CLDN14: variants seen among roughly 807,000 people sequenced by gnomAD.
CLDN14 encodes claudin-14.
A neutral mutation model predicts 2.1 loss-of-function variants in CLDN14; 2 were observed. The observed-to-expected ratio is 0.96, with a 90% CI of 0.39 to 3.01. The LOEUF is 3.01. CLDN14 is among the 30% of genes most tolerant of loss of function. CLDN14 has a pLI of 0.09. For synonymous variants in CLDN14, 136 were observed against 154.4 expected, an observed-to-expected ratio of 0.88 and a Z score of 0.88; for missense variants, 298 against 328.0, an observed-to-expected ratio of 0.91 and a Z score of 0.71.
At chr21:36,565,277 G>C (rs144502846) in intron 1 of CLDN14, among the ~76,000 whole-genome samples, 53 of 152,310 alleles carry the variant, frequency 3.5e-4, no homozygotes, top group Non-Finnish European at 6.5e-4. Context: ...AGCCCTTGCT[G>C]CTGCTGTGAG....
At chr21:36,559,629 GAACA>G (rs752710042) in intron 1 of CLDN14, among the ~76,000 whole-genome samples, 4 of 152,122 alleles carry the variant, frequency 2.6e-5, no homozygotes, top group South Asian at 2.1e-4. Flanking sequence ...TTAAAAACAA[GAACA>G]AACAAAGCTT....
chr21:36,490,616 T>A (rs900817452), intron 2 of CLDN14, among the ~76,000 whole-genome samples: 1 of 151,476 alleles, frequency 6.6e-6, no homozygotes, highest in Non-Finnish European at 1.5e-5. Context: ...TTCAAACTCC[T>A]GACCTCAAGG....
intron 1 of CLDN14, among the ~76,000 whole-genome samples, chr21:36,525,504 G>T (rs552699458): frequency 6.6e-6 from 1 of 152,298 alleles, no homozygotes; most frequent in African/African-American, 2.4e-5. Flanking sequence ...TTGGAGGATG[G>T]CAAGGAGCCC....
At chr21:36,476,112 C>T (rs2086776276) in intron 1 of CLDN14, among the ~76,000 whole-genome samples, 1 of 152,180 alleles carries the variant, frequency 6.6e-6, no homozygotes, top group Admixed American at 6.5e-5. Context: ...GAGATGGAGA[C>T]AGGTGTCTCT....
intron 1 of CLDN14, among the ~76,000 whole-genome samples, chr21:36,521,705 C>T (rs142332992): frequency 1.3e-5 from 2 of 152,186 alleles, no homozygotes; most frequent in East Asian, 1.9e-4. Flanking sequence ...GAGTAGGGGC[C>T]GGGACATAGA....
intron 1 of CLDN14, among the ~76,000 whole-genome samples, chr21:36,554,355 A>G (rs9984382): frequency 0.14 from 21,199 of 152,210 alleles, 1,716 homozygotes; most frequent in Non-Finnish European, 0.19. Flanking sequence ...CTCCAGGAAC[A>G]CAGACCCAGT....
chr21:36,547,173 CATAGGTTTGGTGGTTT>C (rs1056538027), intron 1 of CLDN14, among the ~76,000 whole-genome samples: 4 of 152,140 alleles, frequency 2.6e-5, no homozygotes, highest in Non-Finnish European at 5.9e-5. Context: ...TTCTAAATAT[CATAGGTTTGGTGGTTT>C]ATAGGGTATT....
intron 1 of CLDN14, among the ~76,000 whole-genome samples, chr21:36,555,578 T>G (rs1002989986): frequency 6.6e-6 from 1 of 151,706 alleles, no homozygotes; most frequent in African/African-American, 2.4e-5. Flanking sequence ...GGATGTGGAG[T>G]TGGTGAGGAA....
At chr21:36,509,226 T>G (rs1332775774) in intron 2 of CLDN14, among the ~76,000 whole-genome samples, 1 of 152,244 alleles carries the variant, frequency 6.6e-6, no homozygotes, top group Non-Finnish European at 1.5e-5. Context: ...GCTGCCCACC[T>G]GCTGTGAAGG....
At chr21:36,504,487 T>A (rs983959968) in intron 2 of CLDN14, among the ~76,000 whole-genome samples, 1 of 152,174 alleles carries the variant, frequency 6.6e-6, no homozygotes, top group African/African-American at 2.4e-5. Flanking sequence ...TCTCCAAGGA[T>A]TTAAAATTGA....
rs779699092 is a variant in CLDN14, at chr21:36,461,741, C to G, written c.-46G>C. On this transcript the variant is annotated 5_prime_UTR_variant, in exon 2 of 2. Coordinates refer to ENST00000399135, the MANE Select transcript of CLDN14 (RefSeq NM_001146079.2). ...CCAGCCGGGCAGCTCCCTGGGCCCTCGGGGTCACGCCGCTCCTCAGGTGCC... is the reference window on the plus strand; with the variant it reads ...CCAGCCGGGCAGCTCCCTGGGCCCTGGGGGTCACGCCGCTCCTCAGGTGCC... 1 of 1,539,972 alleles carries G rather than the reference C, an allele frequency of 6.5e-7. No individual in the cohort carries two copies. Among genetic ancestry groups the G allele is most frequent in the South Asian group, 1.2e-5 (1 of 83,688 alleles).
chr21:36,489,158 G>GGA (rs369533067), intron 2 of CLDN14, among the ~76,000 whole-genome samples: 1,101 of 80,170 alleles, frequency 0.014, 23 homozygotes, highest in African/African-American at 0.047. Context: ...ATATATATAT[G>GGA]GAGAGAGAGA....
At chr21:36,541,414 C>T (rs1715191005) in intron 1 of CLDN14, among the ~76,000 whole-genome samples, 1 of 152,120 alleles carries the variant, frequency 6.6e-6, no homozygotes, top group Non-Finnish European at 1.5e-5. Flanking sequence ...ATATCTAAGT[C>T]CTAATCCTAA....
chr21:36,554,711 A>G (rs111385618), intron 1 of CLDN14, among the ~76,000 whole-genome samples: 112 of 152,210 alleles, frequency 7.4e-4, no homozygotes, highest in African/African-American at 2.6e-3. Flanking sequence ...ACAGGCCTAT[A>G]GATGTCTTAC....
At chr21:36,502,331 T>G (rs189003531) in intron 2 of CLDN14, among the ~76,000 whole-genome samples, 3 of 152,334 alleles carry the variant, frequency 2.0e-5, no homozygotes, top group Admixed American at 6.5e-5. Context: ...ACTATTCTTA[T>G]GCCTGTTGAG....
intron 1 of CLDN14, among the ~76,000 whole-genome samples, chr21:36,547,580 C>A (rs553601052): frequency 6.6e-6 from 1 of 152,162 alleles, no homozygotes; most frequent in Non-Finnish European, 1.5e-5. Context: ...CTGCTCCCGG[C>A]ATGATGGATC....
At chr21:36,509,439 A>C (rs1428762222) in intron 2 of CLDN14, among the ~76,000 whole-genome samples, 2 of 152,172 alleles carry the variant, frequency 1.3e-5, no homozygotes, top group Non-Finnish European at 2.9e-5. Context: ...GAAGGGGAGC[A>C]GTGGTTGTTG....
Position 36,461,515 on chromosome 21 carries a change from T to A in CLDN14, c.181A>T (p.Ile61Phe), listed in dbSNP as rs757334760. Reference protein sequence around the residue: ...WMECVWHSTGIYQCQIYRSLL... With the variant: ...WMECVWHSTGFYQCQIYRSLL... ...GATCGGTAGATCTGGCACTGGTAGA[T>A]GCCTGTGCTGTGCCACACACACTCC... Residue 61 changes from isoleucine (I) to phenylalanine (F), a missense_variant, in exon 2 of 2, where the codon ATC (isoleucine) becomes TTC (phenylalanine). Transcript: ENST00000399135. 3 of 1,613,408 alleles carry A rather than the reference T, an allele frequency of 1.9e-6. No individual in the cohort carries two copies. In the Admixed American group the frequency reaches 5.0e-5, roughly 27 times the overall value.
intron 1 of CLDN14, among the ~76,000 whole-genome samples, chr21:36,519,747 CA>C (rs1001444274): frequency 4.0e-5 from 6 of 151,560 alleles, no homozygotes; most frequent in African/African-American, 1.5e-4. Context: ...ACCCCAAAAA[CA>C]AAAAAACCCA....
Sources: gnomAD v4.1 joint callset for allele counts (sites outside exome capture counted in the v4.1 genomes callset) on GRCh38, gnomAD v4.1.1 for gene constraint, MANE v1.5 for transcripts, NCBI Gene and HGNC (gene_info 2026-07-23, HGNC 2026-07-21) for gene names.